LETMD1: variants seen among roughly 807,000 people sequenced by gnomAD.
The protein encoded by LETMD1 is LETM1 domain containing 1.
Under a neutral mutation model 43.9 loss-of-function variants are expected in LETMD1, and 30 were observed. The observed-to-expected ratio is 0.68, with a 90% CI of 0.51 to 0.93. LETMD1 has a LOEUF of 0.93. LETMD1 is among the 40% of genes least tolerant of loss of function. LETMD1 has a pLI of 0.00. For synonymous variants in LETMD1, 176 were observed against 163.1 expected (o/e 1.08, Z -0.60); for missense variants, 413 against 447.7 (o/e 0.92, Z 0.70).
intron 1 of LETMD1, 63 bp from the exon 2 acceptor site, chr12:51,048,971 A>T: frequency 6.9e-7 from 1 of 1,442,996 alleles, no homozygotes; most frequent in Non-Finnish European, 9.5e-7. Flanking sequence ...TACATTAGGG[A>T]CTCAAGGCGT....
chr12:51,056,074 G>C (rs552748022), intron 5 of LETMD1, 53 bp downstream of exon 5: 1 of 1,607,596 alleles, frequency 6.2e-7, no homozygotes, highest in African/African-American at 1.3e-5. Context: ...TAGATTCAGT[G>C]TGCACTAAAC....
At chr12:51,065,043 C>G (rs1156608404), downstream of LETMD1, among the ~76,000 whole-genome samples, 1 of 152,182 alleles carries the variant, frequency 6.6e-6, no homozygotes, top group East Asian at 1.9e-4. Flanking sequence ...TTACGAGCCT[C>G]AGAGACTTTT....
chr12:51,064,742 G>T, downstream of LETMD1: 1 of 1,311,474 alleles, frequency 7.6e-7, no homozygotes, highest in Non-Finnish European at 1.0e-6. Context: ...GACATGAGCT[G>T]GCAAACAGGC....
chr12:51,060,901 C>CAAAAA (rs35850463), downstream of LETMD1, among the ~76,000 whole-genome samples: 2 of 65,480 alleles, frequency 3.1e-5, no homozygotes, highest in Admixed American at 1.8e-4. Flanking sequence ...GATTCTGTCT[C>CAAAAA]AAAAAAAAAA....
downstream of LETMD1, chr12:51,061,336 T>C (rs191151666): frequency 3.9e-5 from 6 of 152,714 alleles, no homozygotes; most frequent in East Asian, 9.6e-4. Flanking sequence ...ACATTGAAAA[T>C]ACTACCTGTG....
intron 3 of LETMD1, chr12:51,052,508 C>T (rs906918262): frequency 1.0e-4 from 31 of 299,726 alleles, no homozygotes; most frequent in African/African-American, 6.2e-4. Flanking sequence ...GGGGGCTGGG[C>T]GCGGTGGCTC....
chr12:51,064,152 G>C, downstream of LETMD1: 1 of 1,614,196 alleles, frequency 6.2e-7, no homozygotes, highest in Non-Finnish European at 8.5e-7. Context: ...CAAGTAGGAT[G>C]GGCTGTTCAC....
intron 3 of LETMD1, among the ~76,000 whole-genome samples, chr12:51,052,649 CG>C (rs1434734468): frequency 2.0e-5 from 3 of 151,818 alleles, no homozygotes; most frequent in Non-Finnish European, 2.9e-5. Context: ...AGTGTGGTGG[CG>C]GGCGCCTGTA....
the LETMD1 span, among the ~76,000 whole-genome samples, chr12:51,068,940 GC>G: frequency 1.3e-5 from 2 of 152,120 alleles, no homozygotes; most frequent in African/African-American, 4.8e-5. Flanking sequence ...ATTAAAGAAA[GC>G]CCTTGGCCGA....
At position 51,052,211 on chromosome 12, in the gene LETMD1, T is replaced by C. The variant is rs1592589773; in HGVS notation, c.390+4T>C. 7 of 1,613,836 alleles carry C rather than the reference T, an allele frequency of 4.3e-6. No individual in the cohort carries two copies. In the East Asian group the frequency reaches 6.7e-5, roughly 15 times the overall value. The stretch of plus-strand genomic sequence containing the variant: ...GGAGATGGAGCATTTGAGACAGGTA[T>C]GGGCCAGGGGCAGATATCCAGAAGT... On this transcript the variant is annotated splice_donor_region_variant and intron_variant, in intron 3 of 8. Coordinates refer to ENST00000262055, the MANE Select transcript of LETMD1 (RefSeq NM_015416.5).
At chr12:51,049,613 A>G (rs756267435) in intron 2 of LETMD1, among the ~76,000 whole-genome samples, 8 of 152,194 alleles carry the variant, frequency 5.3e-5, no homozygotes, top group Non-Finnish European at 1.2e-4. Flanking sequence ...AGCCCTACAT[A>G]ATACTTGGTT....
At chr12:51,063,983 T>A, downstream of LETMD1, 2 of 1,613,980 alleles carry the variant, frequency 1.2e-6, no homozygotes, top group South Asian at 1.1e-5. Context: ...CAGCTGGGTC[T>A]GTGGAGCTAC....
chr12:51,065,634 A>T, the LETMD1 span, among the ~76,000 whole-genome samples: 4 of 151,930 alleles, frequency 2.6e-5, no homozygotes, highest in South Asian at 8.3e-4. Flanking sequence ...TAATTTTAAA[A>T]TTTTTTGTAG....
chr12:51,051,014 CA>C (rs1182336716), intron 2 of LETMD1, among the ~76,000 whole-genome samples: 61 of 119,014 alleles, frequency 5.1e-4, no homozygotes, highest in Admixed American at 6.7e-4. Flanking sequence ...ACTCCCATCT[CA>C]AAAAAAAAAA....
At chr12:51,052,780 C>CA (rs1011228404) in intron 3 of LETMD1, among the ~76,000 whole-genome samples, 23 of 143,834 alleles carry the variant, frequency 1.6e-4, no homozygotes, top group African/African-American at 3.6e-4. Context: ...GACTCCATCT[C>CA]AAAAAAAAAT....
At chr12:51,049,458 A>G (rs1248816848) in intron 2 of LETMD1, 2 of 336,242 alleles carry the variant, frequency 5.9e-6, no homozygotes, top group Non-Finnish European at 1.1e-5. Context: ...ACACCTGGCT[A>G]TAGTAGAAAT....
chr12:51,062,287 G>C (rs1256300410), downstream of LETMD1: 4 of 152,194 alleles, frequency 2.6e-5, no homozygotes, highest in East Asian at 7.7e-4. Flanking sequence ...ACTTTTGTGT[G>C]TGTGTGTGGT....
At chr12:51,064,306 C>T (rs138451611), downstream of LETMD1, 412 of 1,613,846 alleles carry the variant, frequency 2.6e-4, no homozygotes, top group Non-Finnish European at 3.3e-4. Flanking sequence ...AGGATGCACA[C>T]ACCCAGGCTC....
chr12:51,056,520 A>G lies in LETMD1; in HGVS notation c.915+18A>G, dbSNP rs951249819. 6.2e-7 allele frequency: 1 copy of G among 1,614,020 alleles called. No individual in the cohort carries two copies. On this transcript the variant is annotated intron_variant, in intron 7 of 8. Coordinates refer to ENST00000262055, the MANE Select transcript of LETMD1 (RefSeq NM_015416.5). ...TAAAATCGGTAAGAGCTTGATTGCAACATCAACCCTCAACCCTTGGTGTGC... is the reference window on the plus strand; with the variant it reads ...TAAAATCGGTAAGAGCTTGATTGCAGCATCAACCCTCAACCCTTGGTGTGC...
Sources: gnomAD v4.1 joint callset for allele counts (sites outside exome capture counted in the v4.1 genomes callset) on GRCh38, gnomAD v4.1.1 for gene constraint, MANE v1.5 for transcripts, NCBI Gene and HGNC (gene_info 2026-07-23, HGNC 2026-07-21) for gene names.